LRRC7: variants seen among roughly 807,000 people sequenced by gnomAD.
LRRC7 encodes the protein leucine rich repeat containing 7, also known as leucine-rich repeat-containing protein 7.
Under a neutral mutation model 175.7 loss-of-function variants are expected in LRRC7, and 23 were observed. The ratio of observed to expected loss-of-function variants is 0.13; its 90% CI spans 0.09 to 0.19. The LOEUF (loss-of-function observed/expected upper bound fraction) is 0.19. Among genes scored for constraint, LRRC7 ranks in the 10% least tolerant of loss-of-function variants. The pLI is 1.00. For missense variants in LRRC7, 1,354 were observed against 1,904.7 expected (o/e 0.71, Z 5.38); for synonymous variants, 685 against 680.9 (o/e 1.01, Z -0.09).
At chr1:70,033,606 G>C (rs1301930588) in intron 18 of LRRC7, among the ~76,000 whole-genome samples, 1 of 152,042 alleles carries the variant, frequency 6.6e-6, no homozygotes, top group Non-Finnish European at 1.5e-5. Flanking sequence ...TGGTCACTAA[G>C]GCTGTTTTTG....
At chr1:69,642,533 TTCTC>T (rs1258487051) in intron 1 of LRRC7, among the ~76,000 whole-genome samples, 2 of 151,882 alleles carry the variant, frequency 1.3e-5, no homozygotes, top group African/African-American at 2.4e-5. Context: ...CATGAGGAGT[TTCTC>T]TTTCTTTCTC....
chr1:69,850,620 G>T (rs1433080071), intron 7 of LRRC7, among the ~76,000 whole-genome samples: 1 of 152,056 alleles, frequency 6.6e-6, no homozygotes, highest in Non-Finnish European at 1.5e-5. Context: ...CATTTTGGAA[G>T]TAGGTCCTTG....
intron 25 of LRRC7, among the ~76,000 whole-genome samples, chr1:70,092,857 T>G (rs1321178386): frequency 3.9e-5 from 6 of 152,132 alleles, no homozygotes; most frequent in African/African-American, 1.4e-4. Flanking sequence ...TACCAGACTT[T>G]GAGCATTTAG....
chr1:69,890,696 T>G (rs1287686365), intron 7 of LRRC7, among the ~76,000 whole-genome samples: 1 of 152,238 alleles, frequency 6.6e-6, no homozygotes, highest in Admixed American at 6.5e-5. Context: ...TTTATCTATA[T>G]TGAAAACCTG....
chr1:69,911,296 C>T (rs1330417434), intron 7 of LRRC7, among the ~76,000 whole-genome samples: 7 of 152,192 alleles, frequency 4.6e-5, no homozygotes, highest in African/African-American at 9.7e-5. Context: ...GCATCACTCA[C>T]GCTGGGAGCT....
chr1:69,599,079 G>A (rs949985272), intron 1 of LRRC7, among the ~76,000 whole-genome samples: 2 of 151,986 alleles, frequency 1.3e-5, no homozygotes, highest in African/African-American at 4.8e-5. Flanking sequence ...CAGCATGTAT[G>A]TGTACCACTA....
At chr1:69,932,865 C>G (rs1404927692) in intron 8 of LRRC7, among the ~76,000 whole-genome samples, 2 of 152,236 alleles carry the variant, frequency 1.3e-5, no homozygotes, top group Non-Finnish European at 1.5e-5. Context: ...GCAGCATATG[C>G]TGGTCTCTGG....
At chr1:69,718,442 G>T (rs1331235766) in intron 2 of LRRC7, among the ~76,000 whole-genome samples, 1 of 151,814 alleles carries the variant, frequency 6.6e-6, no homozygotes. Flanking sequence ...TATTAAAACG[G>T]TAACTGTAGC....
intron 7 of LRRC7, chr1:69,874,698 A>C (rs1685883999): frequency 6.6e-6 from 1 of 152,120 alleles, no homozygotes; most frequent in East Asian, 1.9e-4. Flanking sequence ...TGTTTTATGA[A>C]TATCAATTAT....
At chr1:69,781,846 G>GAAGGAAGGAAGT in intron 3 of LRRC7, among the ~76,000 whole-genome samples, 1 of 83,290 alleles carries the variant, frequency 1.2e-5, no homozygotes, top group East Asian at 4.2e-4. Flanking sequence ...AGGAAGGAAG[G>GAAGGAAGGAAGT]GAGAGAAAGA....
intron 1 of LRRC7, among the ~76,000 whole-genome samples, chr1:69,592,360 T>C (rs1646671020): frequency 6.6e-6 from 1 of 152,128 alleles, no homozygotes; most frequent in Non-Finnish European, 1.5e-5. Context: ...GCAGATTGTA[T>C]TGTAATTCAG....
chr1:69,890,251 G>C (rs1399812837), intron 7 of LRRC7, among the ~76,000 whole-genome samples: 1 of 152,160 alleles, frequency 6.6e-6, no homozygotes, highest in East Asian at 1.9e-4. Context: ...ATTACTCCTT[G>C]ACCCATTAAC....
At chr1:70,032,146 T>C (rs1020012570) in intron 18 of LRRC7, among the ~76,000 whole-genome samples, 1 of 152,226 alleles carries the variant, frequency 6.6e-6, no homozygotes, top group African/African-American at 2.4e-5. Context: ...AACTGAGAGC[T>C]ACCTCAAGCT....
chr1:70,140,349 C>G lies in LRRC7; in HGVS notation c.*18462C>G, dbSNP rs1245621872. 2 of 152,128 alleles carry G rather than the reference C, an allele frequency of 1.3e-5. No homozygotes were observed. Among genetic ancestry groups the G allele is most frequent in the Non-Finnish European group, 2.9e-5 (2 of 68,018 alleles). The allele number at this position is 152,128 out of a possible 1,614,324, so 9.4% of individuals were successfully genotyped here. ...TCTCCTTCCATTTTCCACACCTCAG[C>G]CCCCTAGGACCAGCTACTGGTAAGT... is the stretch of plus-strand genomic sequence containing the variant. On this transcript the variant is annotated 3_prime_UTR_variant, in exon 27 of 27. Transcript: ENST00000651989.
chr1:70,054,530 C>T (rs1370322765), intron 23 of LRRC7, among the ~76,000 whole-genome samples: 6 of 142,306 alleles, frequency 4.2e-5, no homozygotes, highest in Admixed American at 1.4e-4. Flanking sequence ...GATATTATTG[C>T]TGGAACTGTT....
intron 2 of LRRC7, among the ~76,000 whole-genome samples, chr1:69,681,669 A>G (rs994908723): frequency 6.6e-6 from 1 of 152,066 alleles, no homozygotes; most frequent in Admixed American, 6.6e-5. Context: ...TCAAAGCCAC[A>G]GCCCCTTTCA....
chr1:69,888,321 T>C (rs1304883020), intron 7 of LRRC7, among the ~76,000 whole-genome samples: 1 of 152,180 alleles, frequency 6.6e-6, no homozygotes. Flanking sequence ...AATCTCATGG[T>C]GCGCCGTTTT....
intron 2 of LRRC7, among the ~76,000 whole-genome samples, chr1:69,700,029 C>T (rs1397795806): frequency 1.3e-5 from 2 of 152,146 alleles, no homozygotes; most frequent in African/African-American, 4.8e-5. Flanking sequence ...ATGGTAATAG[C>T]TTTTGGGGAG....
intron 2 of LRRC7, among the ~76,000 whole-genome samples, chr1:69,737,544 C>T (rs980560967): frequency 6.6e-6 from 1 of 152,050 alleles, no homozygotes; most frequent in African/African-American, 2.4e-5. Context: ...TGATGCTACC[C>T]TTTGTAGCTT....
Sources: allele counts gnomAD v4.1 joint callset (sites outside exome capture counted in the v4.1 genomes callset), GRCh38; gene constraint gnomAD v4.1.1; transcripts MANE v1.5; gene names NCBI Gene and HGNC (gene_info 2026-07-23, HGNC 2026-07-21).